Variants in C13orf42 observed in about 807,000 individuals in gnomAD.
C13orf42 encodes chromosome 13 open reading frame 42.
chr13:51,144,827 T>C (rs1953722970), intron 1 of C13orf42, among the ~76,000 whole-genome samples: 1 of 152,232 alleles, frequency 6.6e-6, no homozygotes, highest in African/African-American at 2.4e-5. Context: ...AAGTCTTATC[T>C]GAGATTCCTC....
intron 1 of C13orf42, among the ~76,000 whole-genome samples, chr13:51,117,702 C>T (rs946944610): frequency 2.0e-5 from 3 of 152,166 alleles, no homozygotes; most frequent in Non-Finnish European, 4.4e-5. Flanking sequence ...CCTCTCCCCT[C>T]CTATTTTTTT....
intron 1 of C13orf42, among the ~76,000 whole-genome samples, chr13:51,139,530 A>G (rs1325030433): frequency 6.6e-6 from 1 of 152,212 alleles, no homozygotes; most frequent in African/African-American, 2.4e-5. Flanking sequence ...GAAGTGAGAC[A>G]TTCTAAGTCA....
chr13:51,162,894 C>T (rs1359923179), intron 1 of C13orf42, among the ~76,000 whole-genome samples: 2 of 152,198 alleles, frequency 1.3e-5, no homozygotes, highest in Non-Finnish European at 2.9e-5. Flanking sequence ...TCCCTAGCAC[C>T]GTGAGTCTAC....
intron 1 of C13orf42, among the ~76,000 whole-genome samples, chr13:51,095,022 T>C (rs1480853390): frequency 6.6e-6 from 1 of 152,198 alleles, no homozygotes; most frequent in South Asian, 2.1e-4. Context: ...TCATGTAAGA[T>C]GTGCCTTTGT....
In C13orf42 at chr13:51,133,737, C is replaced by T. The variant is rs117860839; in HGVS notation, n.137-20515G>A. Among the ~76,000 whole-genome samples, 631 of 152,196 alleles carry T rather than the reference C, an allele frequency of 4.1e-3. 3 individuals are homozygous for T. Among genetic ancestry groups the T allele is most frequent in the Non-Finnish European group, 6.7e-3 (453 of 68,006 alleles). On this transcript the variant is annotated intron_variant and non_coding_transcript_variant, in intron 1 of 4. Transcript: ENST00000433280. ...CTGAGGTCTGATGCACATGGGCCTC[C>T]CCAGTGGCTGTCAACCTTTTGCCTC...
At chr13:51,142,966 A>C (rs1953707187) in intron 1 of C13orf42, among the ~76,000 whole-genome samples, 1 of 152,326 alleles carries the variant, frequency 6.6e-6, no homozygotes, top group African/African-American at 2.4e-5. Context: ...TGAAACTTTT[A>C]TATAATCAAG....
At chr13:51,143,316 G>A (rs1953710059) in intron 1 of C13orf42, among the ~76,000 whole-genome samples, 13 of 152,148 alleles carry the variant, frequency 8.5e-5, no homozygotes, top group South Asian at 8.3e-4. Flanking sequence ...AGATTGTAAG[G>A]GCCCATTTTG....
chr13:51,124,288 C>T (rs567294091), intron 1 of C13orf42, among the ~76,000 whole-genome samples: 241 of 152,240 alleles, frequency 1.6e-3, no homozygotes, highest in Non-Finnish European at 2.9e-3. Flanking sequence ...CCCAAGTTTC[C>T]GGGGAGACTG....
chr13:51,143,362 T>G (rs1351684020), intron 1 of C13orf42, among the ~76,000 whole-genome samples: 1 of 152,220 alleles, frequency 6.6e-6, no homozygotes, highest in East Asian at 1.9e-4. Context: ...TACAAATTAA[T>G]TATTAATGTC....
chr13:51,121,402 A>G (rs1400589741), intron 1 of C13orf42, among the ~76,000 whole-genome samples: 2 of 152,172 alleles, frequency 1.3e-5, no homozygotes, highest in Non-Finnish European at 2.9e-5. Flanking sequence ...TTACTCTAAT[A>G]TGCTATTAGT....
chr13:51,086,109 A>G (rs1953121478), intron 2 of C13orf42, among the ~76,000 whole-genome samples: 1 of 152,060 alleles, frequency 6.6e-6, no homozygotes, highest in African/African-American at 2.4e-5. Context: ...GATTGAGACC[A>G]TCCTGGCTAA....
chr13:51,147,172 G>A (rs1433656130), intron 1 of C13orf42, among the ~76,000 whole-genome samples: 1 of 152,234 alleles, frequency 6.6e-6, no homozygotes, highest in African/African-American at 2.4e-5. Context: ...ACCATTTCCT[G>A]TTCTGCATCT....
At chr13:51,094,376 T>C (rs1284834201) in intron 1 of C13orf42, among the ~76,000 whole-genome samples, 3 of 152,218 alleles carry the variant, frequency 2.0e-5, no homozygotes, top group Admixed American at 6.5e-5. Context: ...ATACTGATAT[T>C]TGCAACTCAA....
Position 51,087,799 on chromosome 13 carries a change from T to C in C13orf42, c.562+129A>G, listed in dbSNP as rs1953143963. On this transcript the variant is annotated intron_variant, in intron 2 of 3. Transcript: ENST00000563710. ...AGCTTGGAGGTGCAGGGTTTCCCTT[T>C]AATCAGGGAGGTGGGATTCCTGATG... The C allele has an allele frequency of 5.1e-6, 2 of 395,634 alleles. 1 individual carries two copies. The highest frequency in any genetic ancestry group is 2.9e-4 in the South Asian group (2 of 6,996). 24.5% of individuals were successfully genotyped at this position (395,634 alleles called of 1,614,324 possible).
At chr13:51,129,400 T>C (rs1953598608) in intron 1 of C13orf42, among the ~76,000 whole-genome samples, 1 of 152,038 alleles carries the variant, frequency 6.6e-6, no homozygotes, top group East Asian at 1.9e-4. Context: ...TTAGGGGGCT[T>C]TTTCCTCCCT....
At chr13:51,167,545 G>A (rs1358461251) in intron 1 of C13orf42, among the ~76,000 whole-genome samples, 1 of 152,170 alleles carries the variant, frequency 6.6e-6, no homozygotes, top group Non-Finnish European at 1.5e-5. Flanking sequence ...TCCAGCAATG[G>A]CACAGGGTCC....
intron 1 of C13orf42, among the ~76,000 whole-genome samples, chr13:51,171,695 C>T (rs1176702182): frequency 1.3e-5 from 2 of 152,226 alleles, no homozygotes; most frequent in South Asian, 4.2e-4. Context: ...CAGCAATTTA[C>T]TCTTAAAAAG....
intron 1 of C13orf42, among the ~76,000 whole-genome samples, chr13:51,141,407 C>T (rs1457069743): frequency 1.3e-5 from 2 of 152,010 alleles, no homozygotes; most frequent in Non-Finnish European, 2.9e-5. Flanking sequence ...AATGTACTTC[C>T]ATCAGCAGGC....
At chr13:51,106,964 C>T (rs1593535748) in intron 1 of C13orf42, among the ~76,000 whole-genome samples, 1 of 152,288 alleles carries the variant, frequency 6.6e-6, no homozygotes, top group East Asian at 1.9e-4. Flanking sequence ...AAGTGTATTT[C>T]ATTCATTCAT....
Sources: allele counts gnomAD v4.1 joint callset (sites outside exome capture counted in the v4.1 genomes callset), GRCh38; gene constraint gnomAD v4.1.1; transcripts MANE v1.5; gene names NCBI Gene and HGNC (gene_info 2026-07-23, HGNC 2026-07-21).